Variants in GRB2 observed in about 807,000 individuals in gnomAD.
GRB2 encodes growth factor receptor bound protein 2.
A neutral mutation model predicts 27.4 loss-of-function variants in GRB2; 2 were observed. That is an observed-to-expected ratio of 0.07 (90% confidence interval 0.03 to 0.23). The LOEUF (loss-of-function observed/expected upper bound fraction) is 0.23. GRB2 is among the 10% of genes least tolerant of loss of function. The pLI is 1.00. For missense variants in GRB2, 102 were observed against 282.4 expected (o/e 0.36, Z 4.58); for synonymous variants, 94 against 99.6 (o/e 0.94, Z 0.33).
At chr17:75,399,574 G>A (rs999657109) in intron 1 of GRB2, among the ~76,000 whole-genome samples, 1 of 151,140 alleles carries the variant, frequency 6.6e-6, no homozygotes, top group East Asian at 2.0e-4. Flanking sequence ...CACCATGTTG[G>A]TCAGGCTGGT....
intron 2 of GRB2, among the ~76,000 whole-genome samples, chr17:75,367,698 A>G (rs558834714): frequency 6.6e-6 from 1 of 152,292 alleles, no homozygotes; most frequent in East Asian, 1.9e-4. Flanking sequence ...ACTTTTTCCT[A>G]TGGTTTTAGC....
At chr17:75,378,618 A>G (rs2078909362) in intron 2 of GRB2, among the ~76,000 whole-genome samples, 7 of 152,218 alleles carry the variant, frequency 4.6e-5, no homozygotes, top group Admixed American at 3.9e-4. Context: ...TTTAAAGGTA[A>G]CAACTGTTCA....
intron 2 of GRB2, among the ~76,000 whole-genome samples, chr17:75,334,058 G>A (rs997663880): frequency 6.6e-6 from 1 of 152,106 alleles, no homozygotes; most frequent in Non-Finnish European, 1.5e-5. Flanking sequence ...TGATGGATAC[G>A]TTTCAAGACC....
At chr17:75,376,462 A>C (rs1377086323) in intron 2 of GRB2, among the ~76,000 whole-genome samples, 1 of 150,330 alleles carries the variant, frequency 6.7e-6, no homozygotes, top group Admixed American at 6.7e-5. Flanking sequence ...TGGAGGCTGC[A>C]GTGAGCTGAG....
chr17:75,330,850 T>G (rs1470683554), intron 3 of GRB2, among the ~76,000 whole-genome samples: 1 of 152,054 alleles, frequency 6.6e-6, no homozygotes, highest in African/African-American at 2.4e-5. Context: ...GAAAAGCACA[T>G]ATTTGGATCC....
intron 4 of GRB2, among the ~76,000 whole-genome samples, chr17:75,324,828 C>A (rs1804498258): frequency 6.6e-6 from 1 of 152,106 alleles, no homozygotes; most frequent in Non-Finnish European, 1.5e-5. Flanking sequence ...GTAATCCCAG[C>A]ACTTTGGGAG....
intron 2 of GRB2, among the ~76,000 whole-genome samples, chr17:75,345,632 G>A (rs576098348): frequency 6.6e-6 from 1 of 152,186 alleles, no homozygotes; most frequent in African/African-American, 2.4e-5. Flanking sequence ...GTTCCAAATC[G>A]GGAAAGGCTT....
chr17:75,401,310 TGGCG>T (rs2079062090), intron 1 of GRB2, among the ~76,000 whole-genome samples: 1 of 151,172 alleles, frequency 6.6e-6, no homozygotes, highest in African/African-American at 2.4e-5. Context: ...CCGGGCGCGG[TGGCG>T]GGCGCCTGTA....
intron 5 of GRB2, among the ~76,000 whole-genome samples, chr17:75,321,169 CTT>C (rs61287852): frequency 2.5e-5 from 3 of 120,064 alleles, no homozygotes; most frequent in African/African-American, 3.8e-5. Context: ...AACAACAAAT[CTT>C]TTTTTTTTTT....
At chr17:75,365,429 GAA>G (rs753667694) in intron 2 of GRB2, among the ~76,000 whole-genome samples, 7 of 152,160 alleles carry the variant, frequency 4.6e-5, no homozygotes, top group Non-Finnish European at 7.4e-5. Flanking sequence ...TAATGGTACA[GAA>G]AAGTCAGCTA....
chr17:75,331,007 C>G lies in GRB2; in HGVS notation c.176+1693G>C, dbSNP rs760351297. 3.4e-4 allele frequency among the ~76,000 whole-genome samples: 51 copies of G among 151,998 alleles called. No homozygotes were observed. The Middle Eastern group carries it at 0.014, about 41-fold the overall frequency. On this transcript the variant is annotated intron_variant, in intron 3 of 5. Coordinates refer to ENST00000316804, the MANE Select transcript of GRB2 (RefSeq NM_002086.5). ...CTCCATAACCCCTGCTCCCCACCCC[C>G]ACAAACAAACAAACAAACAAACAAA... is the stretch of plus-strand genomic sequence containing the variant.
intron 2 of GRB2, among the ~76,000 whole-genome samples, chr17:75,381,394 C>T (rs2078926585): frequency 6.6e-6 from 1 of 151,844 alleles, no homozygotes; most frequent in Admixed American, 6.6e-5. Context: ...TCTTTTTCCC[C>T]AGCATTCCTT....
At chr17:75,401,002 G>GC (rs922317774) in intron 1 of GRB2, among the ~76,000 whole-genome samples, 1 of 148,760 alleles carries the variant, frequency 6.7e-6, no homozygotes, top group African/African-American at 2.5e-5. Context: ...TTGCTCTGTC[G>GC]CCCAGGCTAG....
chr17:75,384,557 C>G (rs1393505221), intron 2 of GRB2, among the ~76,000 whole-genome samples: 1 of 152,118 alleles, frequency 6.6e-6, no homozygotes, highest in African/African-American at 2.4e-5. Context: ...ATAATCCCAG[C>G]TACTCAAGAG....
intron 2 of GRB2, among the ~76,000 whole-genome samples, chr17:75,336,813 C>T (rs1365850336): frequency 1.3e-5 from 2 of 152,176 alleles, no homozygotes; most frequent in African/African-American, 2.4e-5. Flanking sequence ...TCTCGGCTCA[C>T]TGCAACCTCC....
At chr17:75,363,642 C>CAA (rs34012797) in intron 2 of GRB2, among the ~76,000 whole-genome samples, 98,462 of 151,574 alleles carry the variant, frequency 0.65, 38,317 homozygotes, top group East Asian at 0.91. Flanking sequence ...GGTGGATCAC[C>CAA]AAGTCAAGAG....
chr17:75,387,734 G>T (rs2078973697), intron 2 of GRB2: 1 of 151,908 alleles, frequency 6.6e-6, no homozygotes, highest in Non-Finnish European at 1.5e-5. Context: ...GGAGGTGGAG[G>T]TTGCAGCAAG....
In GRB2 at chr17:75,319,750, TTC is replaced by T. The variant is rs1380277416; in HGVS notation, c.*616_*617del. The T allele has an allele frequency of 6.6e-6, 1 of 152,388 alleles. No individual in the cohort carries two copies. The highest frequency in any genetic ancestry group is 1.5e-5 in the Non-Finnish European group (1 of 68,180). The allele number at this position is 152,388 out of a possible 1,614,324, so 9.4% of individuals were successfully genotyped here. On this transcript the variant is annotated 3_prime_UTR_variant, in exon 6 of 6. Coordinates refer to ENST00000316804, the MANE Select transcript of GRB2 (RefSeq NM_002086.5). ...CCACCGCGCCCAGCCCAGGTGGGCT[TTC>T]TCAGGAAGCCATGGAAGCAGAGACA...
chr17:75,337,901 C>CTACTACTACTACTATTATTATTATTAT (rs1375563317), intron 2 of GRB2, among the ~76,000 whole-genome samples: 1 of 117,388 alleles, frequency 8.5e-6, no homozygotes, highest in Non-Finnish European at 1.7e-5. Context: ...ACTACTACTA[C>CTACTACTACTACTATTATTATTATTAT]TATTATTATT....
Sources: gnomAD v4.1 joint callset for allele counts (sites outside exome capture counted in the v4.1 genomes callset) on GRCh38, gnomAD v4.1.1 for gene constraint, MANE v1.5 for transcripts, NCBI Gene and HGNC (gene_info 2026-07-23, HGNC 2026-07-21) for gene names.